The following FGGY variants were observed in gnomAD, a reference collection of about 807,000 sequenced individuals.
FGGY encodes FGGY carbohydrate kinase domain containing.
FGGY carries 72 observed loss-of-function variants against 71.3 expected under a neutral mutation model. The observed-to-expected ratio is 1.01, with a 90% confidence interval of 0.84 to 1.23. The LOEUF (loss-of-function observed/expected upper bound fraction) is 1.23, where lower values mean the gene tolerates loss of function less well. Ranked by LOEUF, FGGY falls within the 50% of genes most tolerant of loss-of-function variation. The pLI is 0.00. For synonymous variants in FGGY, 251 were observed against 250.3 expected (o/e 1.00, Z -0.02); for missense variants, 668 against 682.3 (o/e 0.98, Z 0.23).
In FGGY at chr1:59,648,062, T is replaced by C. The variant is rs1289310615; in HGVS notation, c.1221+9687T>C. On this transcript the variant is annotated intron_variant, in intron 11 of 15. Coordinates refer to ENST00000303721, the MANE Select transcript of FGGY (RefSeq NM_018291.5). Reference sequence around the variant, plus strand: ...TGATTTCCAATTTCATCCATGTCCCTACAAAGGACATGAACTCATCATTTT... The same window carrying C: ...TGATTTCCAATTTCATCCATGTCCCCACAAAGGACATGAACTCATCATTTT... Among the ~76,000 whole-genome samples the C allele has an allele frequency of 1.1e-3, 105 of 93,472 alleles. 1 individual carries two copies. The highest frequency in any genetic ancestry group is 0.01 in the South Asian group (25 of 2,472). 61.3% of individuals were successfully genotyped at this position (93,472 alleles called of 152,430 possible).
At chr1:59,351,551 A>G (rs2053297028) in intron 4 of FGGY, among the ~76,000 whole-genome samples, 1 of 152,096 alleles carries the variant, frequency 6.6e-6, no homozygotes, top group African/African-American at 2.4e-5. Context: ...GATCATATCC[A>G]CCTCGTTCTT....
intron 12 of FGGY, among the ~76,000 whole-genome samples, chr1:59,664,868 T>G (rs1017751772): frequency 2.6e-5 from 4 of 152,246 alleles, no homozygotes; most frequent in Admixed American, 6.5e-5. Flanking sequence ...TTTTAATTTT[T>G]TTGCATGTTG....
intron 14 of FGGY, among the ~76,000 whole-genome samples, chr1:59,680,311 T>G (rs1411840986): frequency 1.3e-5 from 2 of 152,094 alleles, no homozygotes; most frequent in Non-Finnish European, 2.9e-5. Flanking sequence ...CTGTCCCATA[T>G]GTCAGTGTCC....
chr1:59,332,426 C>A (rs1465382118), intron 2 of FGGY, among the ~76,000 whole-genome samples: 1 of 152,068 alleles, frequency 6.6e-6, no homozygotes, highest in Non-Finnish European at 1.5e-5. Flanking sequence ...CCCCAGAGGC[C>A]TTCTGGGTAG....
rs559250278 is a variant in FGGY, at chr1:59,678,244, C to T, written c.1512+4111C>T. ...GACACAAAGAAGGCAGTTCACTTCC[C>T]CTCCCTTTACTCTTAGGAATGTGGA... On this transcript the variant is annotated intron_variant, in intron 14 of 15. Transcript: ENST00000303721. 4.6e-5 allele frequency among the ~76,000 whole-genome samples: 7 copies of T among 152,278 alleles called. No homozygotes were observed. The East Asian group carries it at 1.4e-3, about 29-fold the overall frequency.
chr1:59,751,145 A>G (rs1347952951), intron 14 of FGGY, among the ~76,000 whole-genome samples: 2 of 152,144 alleles, frequency 1.3e-5, no homozygotes, highest in Non-Finnish European at 2.9e-5. Flanking sequence ...TTTACTACAT[A>G]ATGGCTTTAT....
At chr1:59,656,268 TC>T (rs1373732328) in intron 11 of FGGY, among the ~76,000 whole-genome samples, 2 of 152,170 alleles carry the variant, frequency 1.3e-5, no homozygotes, top group Non-Finnish European at 2.9e-5. Flanking sequence ...CCTCTCCACT[TC>T]CTCTTGTTGG....
intron 4 of FGGY, among the ~76,000 whole-genome samples, chr1:59,374,929 G>C (rs1177184986): frequency 8.2e-6 from 1 of 121,708 alleles, no homozygotes; most frequent in African/African-American, 3.0e-5. Flanking sequence ...GAGGGGGGAG[G>C]GGGGAGGGAT....
chr1:59,504,382 A>AG (rs35975446), intron 6 of FGGY, among the ~76,000 whole-genome samples: 65,620 of 152,036 alleles, frequency 0.43, 15,419 homozygotes, highest in African/African-American at 0.62. Flanking sequence ...AAGTTGTGGA[A>AG]GTTGGACTTG....
chr1:59,697,432 A>G (rs2097670881), intron 14 of FGGY, among the ~76,000 whole-genome samples: 1 of 152,162 alleles, frequency 6.6e-6, no homozygotes, highest in African/African-American at 2.4e-5. Context: ...TACCTCATAT[A>G]AGTGGAATCA....
At position 59,762,497 on chromosome 1, in the gene FGGY, C is replaced by G. The variant is rs2098351498; in HGVS notation, c.1575-6C>G. On this transcript the variant is annotated splice_polypyrimidine_tract_variant and splice_region_variant and intron_variant, in intron 15 of 15. Transcript: ENST00000303721. ...ATCATTCAACATATTTATATTTCTC[C>G]CACAGATACTATGATAAGAAATACC... 1 of 1,607,464 alleles carries G rather than the reference C, an allele frequency of 6.2e-7. No homozygotes were observed. Among genetic ancestry groups the G allele is most frequent in the African/African-American group, 1.3e-5 (1 of 74,764 alleles).
chr1:59,641,512 T>C (rs886707579), intron 11 of FGGY, among the ~76,000 whole-genome samples: 1 of 152,144 alleles, frequency 6.6e-6, no homozygotes, highest in Non-Finnish European at 1.5e-5. Flanking sequence ...ATTGTACATG[T>C]GTGTATGTGT....
intron 5 of FGGY, among the ~76,000 whole-genome samples, chr1:59,448,111 T>A (rs2071746340): frequency 6.6e-6 from 1 of 152,164 alleles, no homozygotes; most frequent in African/African-American, 2.4e-5. Flanking sequence ...AGGTTTTACC[T>A]TTCTCAAGTC....
chr1:59,626,156 C>T, intron 10 of FGGY, 107 bp downstream of exon 10: 3 of 806,728 alleles, frequency 3.7e-6, no homozygotes, highest in Non-Finnish European at 6.1e-6. Flanking sequence ...AATGAAAATG[C>T]CTGTTAGTGC....
intron 5 of FGGY, among the ~76,000 whole-genome samples, chr1:59,383,517 G>A (rs577760267): frequency 6.6e-6 from 1 of 152,292 alleles, no homozygotes; most frequent in East Asian, 1.9e-4. Flanking sequence ...TTCAGGCCAT[G>A]ATGGGAAGGG....
At chr1:59,501,144 A>G (rs1164190959) in intron 6 of FGGY, among the ~76,000 whole-genome samples, 1 of 152,224 alleles carries the variant, frequency 6.6e-6, no homozygotes, top group African/African-American at 2.4e-5. Flanking sequence ...GTTTGCAAAC[A>G]GTAGTCCAGA....
At chr1:59,752,933 A>G (rs908544515) in intron 14 of FGGY, among the ~76,000 whole-genome samples, 2 of 152,208 alleles carry the variant, frequency 1.3e-5, no homozygotes, top group African/African-American at 4.8e-5. Flanking sequence ...TGGTTTATTT[A>G]TAGCTCTGCC....
At chr1:59,308,438 A>T (rs772856988) in intron 1 of FGGY, among the ~76,000 whole-genome samples, 2 of 152,202 alleles carry the variant, frequency 1.3e-5, no homozygotes, top group Non-Finnish European at 2.9e-5. Flanking sequence ...ACAGAGAGGG[A>T]CAGGTAAATG....
At chr1:59,748,285 A>G (rs540940886) in intron 14 of FGGY, among the ~76,000 whole-genome samples, 5 of 152,224 alleles carry the variant, frequency 3.3e-5, no homozygotes, top group African/African-American at 1.2e-4. Flanking sequence ...ATAATTTCAG[A>G]TGATGATGTG....
Sources: allele counts gnomAD v4.1 joint callset (sites outside exome capture counted in the v4.1 genomes callset), GRCh38; gene constraint gnomAD v4.1.1; transcripts MANE v1.5; gene names NCBI Gene and HGNC (gene_info 2026-07-23, HGNC 2026-07-21).